The following OPHN1 variants were observed in gnomAD, a reference collection of about 807,000 sequenced individuals.
OPHN1 encodes oligophrenin-1.
A neutral mutation model predicts 60.7 loss-of-function variants in OPHN1; 11 were observed. The ratio of observed to expected loss-of-function variants is 0.18; its 90% CI spans 0.11 to 0.30. OPHN1 has a LOEUF of 0.30. Among genes scored for constraint, OPHN1 ranks in the 10% least tolerant of loss-of-function variants. OPHN1 has a pLI of 1.00. For missense variants in OPHN1, 449 were observed against 611.0 expected, an observed-to-expected ratio of 0.73 and a Z score of 2.80; for synonymous variants, 226 against 222.6, an observed-to-expected ratio of 1.02 and a Z score of -0.14.
chrX:68,195,531 A>G (rs2077509398), intron 12 of OPHN1, among the ~76,000 whole-genome samples: 1 of 112,082 alleles, frequency 8.9e-6, no homozygotes, highest in Non-Finnish European at 1.9e-5. Flanking sequence ...TAAAGTGATC[A>G]GGGTTGGAGT....
At chrX:68,091,265 C>T (rs2077016999) in intron 19 of OPHN1, among the ~76,000 whole-genome samples, 1 of 111,593 alleles carries the variant, frequency 9.0e-6, no homozygotes, top group Admixed American at 9.6e-5. Context: ...ATTCCATGTT[C>T]ACTGAATACA....
At chrX:68,362,786 A>G (rs1367865588) in intron 2 of OPHN1, among the ~76,000 whole-genome samples, 1 of 111,526 alleles carries the variant, frequency 9.0e-6, no homozygotes, top group Non-Finnish European at 1.9e-5. Context: ...AATGTAAACT[A>G]TGGACTTTAA....
chrX:68,194,211 A>C (rs1190397600), intron 13 of OPHN1, among the ~76,000 whole-genome samples: 2 of 112,570 alleles, frequency 1.8e-5, no homozygotes, highest in African/African-American at 3.2e-5. Context: ...TGTTAGCCTA[A>C]AAATACAATT....
intron 5 of OPHN1, among the ~76,000 whole-genome samples, chrX:68,263,979 G>C (rs760051559): frequency 9.0e-5 from 10 of 111,342 alleles, no homozygotes; most frequent in Non-Finnish European, 1.5e-4. Context: ...TGTATTTCTA[G>C]TACTCAGCGG....
At chrX:68,119,081 T>G (rs957122601) in intron 16 of OPHN1, among the ~76,000 whole-genome samples, 167 bp downstream of exon 16, 1 of 112,123 alleles carries the variant, frequency 8.9e-6, no homozygotes, top group East Asian at 2.8e-4. Flanking sequence ...AACTCTCAGA[T>G]TTAAAAAACA....
intron 15 of OPHN1, among the ~76,000 whole-genome samples, chrX:68,148,853 T>A (rs774954005): frequency 9.0e-6 from 1 of 111,646 alleles, no homozygotes; most frequent in Non-Finnish European, 1.9e-5. Flanking sequence ...AATGTTTTAA[T>A]TTCTTTTAAA....
chrX:68,173,537 C>T (rs2077400409), intron 15 of OPHN1, among the ~76,000 whole-genome samples: 1 of 111,291 alleles, frequency 9.0e-6, no homozygotes, highest in Non-Finnish European at 1.9e-5. Flanking sequence ...GGCATCATAC[C>T]ATCTGCCAGG....
At chrX:68,203,180 G>A (rs886880988) in intron 10 of OPHN1, among the ~76,000 whole-genome samples, 6 of 111,542 alleles carry the variant, frequency 5.4e-5, no homozygotes, top group Admixed American at 1.9e-4. Flanking sequence ...GCTTGAAACC[G>A]GGAGGCAGAG....
intron 20 of OPHN1, among the ~76,000 whole-genome samples, chrX:68,064,575 T>G (rs1312413166): frequency 8.9e-6 from 1 of 112,484 alleles, no homozygotes. Context: ...TGTTAAGGTC[T>G]CTCAAATTTT....
At chrX:68,374,312 C>A (rs183461648) in intron 2 of OPHN1, among the ~76,000 whole-genome samples, 3 of 105,295 alleles carry the variant, frequency 2.8e-5, no homozygotes, top group Non-Finnish European at 5.8e-5. Context: ...ACCGAGATCA[C>A]GCCACTGCAC....
At chrX:68,367,684 C>G (rs2078506563) in intron 2 of OPHN1, among the ~76,000 whole-genome samples, 2 of 111,568 alleles carry the variant, frequency 1.8e-5, no homozygotes, top group Non-Finnish European at 3.8e-5. Flanking sequence ...CCAAATCTCA[C>G]CTTGAATTGT....
chrX:68,198,811 C>T (rs1056560240), intron 11 of OPHN1, among the ~76,000 whole-genome samples: 2 of 111,598 alleles, frequency 1.8e-5, no homozygotes, highest in Non-Finnish European at 3.8e-5. Flanking sequence ...CTTTCCATTA[C>T]TGATATCACA....
rs143330191 is a variant in OPHN1, at chrX:68,388,587, T to A, written c.154+44280A>T. Reference sequence around the variant, plus strand: ...TTTATTGAGTGTCTGATCAGATGTGTTTTTTAGGAAGATAATCCAGGCAAC... The same window carrying A: ...TTTATTGAGTGTCTGATCAGATGTGATTTTTAGGAAGATAATCCAGGCAAC... On this transcript the variant is annotated intron_variant, in intron 2 of 24. Transcript: ENST00000355520. Among the ~76,000 whole-genome samples, 159 of 111,403 alleles carry A rather than the reference T, an allele frequency of 1.4e-3. 1 individual carries two copies. The highest frequency in any genetic ancestry group is 4.8e-3 in the African/African-American group (148 of 30,701).
chrX:68,143,509 T>C (rs1298761647), intron 15 of OPHN1, among the ~76,000 whole-genome samples: 1 of 111,373 alleles, frequency 9.0e-6, no homozygotes, highest in Non-Finnish European at 1.9e-5. Context: ...TTAATGGGGC[T>C]AAGTGAGGAG....
rs771337106 is a variant in OPHN1, at chrX:68,112,010, T to C, written c.1421-51A>G. Reference sequence around the variant, plus strand: ...TGGTTTGGCTTTCTGGGCAACTGGATTGAGCAAAATTCTCACATATATATG... The same window carrying C: ...TGGTTTGGCTTTCTGGGCAACTGGACTGAGCAAAATTCTCACATATATATG... On this transcript the variant is annotated intron_variant, in intron 17 of 24. Coordinates refer to ENST00000355520, the MANE Select transcript of OPHN1 (RefSeq NM_002547.3). The C allele has an allele frequency of 1.5e-5, 12 of 774,564 alleles. No homozygotes were observed. The South Asian group carries it at 2.5e-4, about 16-fold the overall frequency. 63.8% of individuals were successfully genotyped at this position (774,564 alleles called of 1,213,427 possible). A position where few individuals can be genotyped will look rare whatever the true frequency, so the allele number is the denominator to read the frequency against.
chrX:68,239,313 G>A (rs950265019), intron 5 of OPHN1, among the ~76,000 whole-genome samples: 19 of 110,194 alleles, frequency 1.7e-4, no homozygotes, highest in Middle Eastern at 4.3e-3. Context: ...GTGTTCTTCC[G>A]CCTGTGTGTT....
chrX:68,316,181 A>G (rs1255161645), intron 2 of OPHN1, among the ~76,000 whole-genome samples: 1 of 111,304 alleles, frequency 9.0e-6, no homozygotes, highest in East Asian at 2.8e-4. Flanking sequence ...AAACACATAA[A>G]GCAAAGACTG....
intron 6 of OPHN1, among the ~76,000 whole-genome samples, chrX:68,232,899 T>C (rs1192753361): frequency 3.7e-5 from 4 of 109,233 alleles, no homozygotes; most frequent in African/African-American, 1.3e-4. Flanking sequence ...TCCTTCTCCT[T>C]TGCAATACTA....
chrX:68,163,327 G>A lies in OPHN1; in HGVS notation c.1276+29592C>T, dbSNP rs182535945. On this transcript the variant is annotated intron_variant, in intron 15 of 24. Transcript: ENST00000355520. ...TTCCACATATAAATGAGATCATGCA[G>A]TATTTTTCTTTCTCTTTTGGGCTAA... Among the ~76,000 whole-genome samples, 3 of 110,410 alleles carry A rather than the reference G, an allele frequency of 2.7e-5. No homozygotes were observed. In the Admixed American group the frequency reaches 2.9e-4, roughly 11 times the overall value.
Sources: gnomAD v4.1 joint callset for allele counts (sites outside exome capture counted in the v4.1 genomes callset) on GRCh38, gnomAD v4.1.1 for gene constraint, MANE v1.5 for transcripts, NCBI Gene and HGNC (gene_info 2026-07-23, HGNC 2026-07-21) for gene names.